The following AKAP7 variants were observed in gnomAD, a reference collection of about 807,000 sequenced individuals.
The protein encoded by AKAP7 is A kinase (PRKA) anchor protein 7.
Under a neutral mutation model 39.5 loss-of-function variants are expected in AKAP7, and 39 were observed. The ratio of observed to expected loss-of-function variants is 0.99; its 90% CI spans 0.76 to 1.29. The LOEUF (loss-of-function observed/expected upper bound fraction) is 1.29, where lower values mean the gene tolerates loss of function less well. Ranked by LOEUF, AKAP7 falls within the 50% of genes most tolerant of loss-of-function variation. The pLI is 0.00. For missense variants in AKAP7, 414 were observed against 407.7 expected, an observed-to-expected ratio of 1.02 and a Z score of -0.13; for synonymous variants, 140 against 139.1, an observed-to-expected ratio of 1.01 and a Z score of -0.05.
At chr6:131,226,559 C>G (rs1244800597) in intron 7 of AKAP7, among the ~76,000 whole-genome samples, 1 of 152,214 alleles carries the variant, frequency 6.6e-6, no homozygotes, top group Non-Finnish European at 1.5e-5. Context: ...AAGCTGTTCT[C>G]TGTGAGCTAC....
chr6:131,282,541 A>G lies in AKAP7; in HGVS notation c.*815A>G, dbSNP rs559929233. ...CCAGAATTAGGAGGGAGCTTTTTGA[A>G]GGAAGACTTATTAACAACAGTAATT... On this transcript the variant is annotated 3_prime_UTR_variant, in exon 8 of 8. Coordinates refer to ENST00000431975, the MANE Select transcript of AKAP7 (RefSeq NM_016377.4). The G allele has an allele frequency of 6.5e-7, 1 of 1,535,934 alleles. No homozygotes were observed. The highest frequency in any genetic ancestry group is 2.4e-5 in the East Asian group (1 of 40,884).
At chr6:131,137,916 A>C (rs1800707428) in intron 1 of AKAP7, among the ~76,000 whole-genome samples, 1 of 152,238 alleles carries the variant, frequency 6.6e-6, no homozygotes, top group Non-Finnish European at 1.5e-5. Context: ...ATAATTGTAA[A>C]TCATAGAGCA....
chr6:131,220,328 C>A (rs1809590038), intron 7 of AKAP7, among the ~76,000 whole-genome samples: 2 of 152,118 alleles, frequency 1.3e-5, no homozygotes, highest in Non-Finnish European at 2.9e-5. Flanking sequence ...TGTCAGATGG[C>A]AGGAGATGAG....
intron 5 of AKAP7, among the ~76,000 whole-genome samples, chr6:131,195,465 A>G (rs1336065607): frequency 3.3e-5 from 5 of 152,148 alleles, no homozygotes; most frequent in Non-Finnish European, 5.9e-5. Flanking sequence ...GGACTAATCT[A>G]TACACCACCG....
chr6:131,192,921 T>G (rs571824627), intron 5 of AKAP7, among the ~76,000 whole-genome samples: 2 of 152,358 alleles, frequency 1.3e-5, no homozygotes, highest in East Asian at 3.9e-4. Context: ...GACTTTTGTA[T>G]GTTGATTTCG....
chr6:131,168,017 C>G (rs2128243128), intron 4 of AKAP7, among the ~76,000 whole-genome samples: 1 of 152,208 alleles, frequency 6.6e-6, no homozygotes, highest in Non-Finnish European at 1.5e-5. Flanking sequence ...CTCAAAGTAC[C>G]TACACCAAAA....
intron 5 of AKAP7, among the ~76,000 whole-genome samples, chr6:131,180,960 T>C (rs750811973): frequency 1.3e-5 from 2 of 152,152 alleles, no homozygotes; most frequent in African/African-American, 2.4e-5. Context: ...ACTATGTTTC[T>C]CTTTTTTTTG....
chr6:131,240,656 C>G (rs1244005775), intron 7 of AKAP7, among the ~76,000 whole-genome samples: 1 of 152,202 alleles, frequency 6.6e-6, no homozygotes, highest in Non-Finnish European at 1.5e-5. Flanking sequence ...TGATCTCAGA[C>G]TGCTGTGCTA....
intron 7 of AKAP7, among the ~76,000 whole-genome samples, chr6:131,255,755 G>A (rs1812791556): frequency 6.6e-6 from 1 of 152,180 alleles, no homozygotes; most frequent in Non-Finnish European, 1.5e-5. Context: ...AGTGGGGGTT[G>A]AACTACTCTT....
intron 2 of AKAP7, among the ~76,000 whole-genome samples, chr6:131,157,570 A>T (rs1802533261): frequency 6.6e-6 from 1 of 152,220 alleles, no homozygotes; most frequent in Admixed American, 6.5e-5. Flanking sequence ...AGATGTGTAA[A>T]ATTGCAGGCA....
the AKAP7 span, among the ~76,000 whole-genome samples, chr6:131,130,381 T>A: frequency 3.3e-5 from 5 of 152,210 alleles, no homozygotes; most frequent in African/African-American, 9.6e-5. Flanking sequence ...CTCTGCAACC[T>A]CTGCCTCCTG....
At chr6:131,194,578 C>T (rs558675603) in intron 5 of AKAP7, among the ~76,000 whole-genome samples, 13 of 152,072 alleles carry the variant, frequency 8.5e-5, no homozygotes, top group South Asian at 8.3e-4. Flanking sequence ...TCTGAGGTTT[C>T]GTTTTTGAAT....
At chr6:131,146,336 G>A (rs1391273988) in intron 2 of AKAP7, among the ~76,000 whole-genome samples, 3 of 152,186 alleles carry the variant, frequency 2.0e-5, no homozygotes, top group African/African-American at 4.8e-5. Flanking sequence ...GGCCAGATGC[G>A]GTGGCTCATG....
rs367956525 is a variant in AKAP7, at chr6:131,147,005, C to T, written c.151+1589C>T. Among the ~76,000 whole-genome samples the T allele has an allele frequency of 2.6e-4, 39 of 152,236 alleles. No individual in the cohort carries two copies. The East Asian group carries it at 6.7e-3, about 26-fold the overall frequency. On this transcript the variant is annotated intron_variant, in intron 2 of 7. Coordinates refer to ENST00000431975, the MANE Select transcript of AKAP7 (RefSeq NM_016377.4). ...TACAGGCTGCTCTGGAAGTGCATGA[C>T]GTGAGGATGTGTTCAGGGAGGCATC...
chr6:131,160,008 A>G, intron 2 of AKAP7, 51 bp from the exon 3 acceptor site: 3 of 1,445,244 alleles, frequency 2.1e-6, no homozygotes, highest in African/African-American at 1.5e-5. Flanking sequence ...TTCTGACTGT[A>G]TTATCTTTGT....
chr6:131,241,603 G>GTATATATATATA (rs1426161618), intron 7 of AKAP7, among the ~76,000 whole-genome samples: 3 of 123,496 alleles, frequency 2.4e-5, no homozygotes, highest in Admixed American at 9.3e-5. Context: ...GTGTGTGTGT[G>GTATATATATATA]TGTGTGTGTG....
At chr6:131,266,265 G>T (rs2128330509) in intron 7 of AKAP7, among the ~76,000 whole-genome samples, 1 of 152,332 alleles carries the variant, frequency 6.6e-6, no homozygotes, top group East Asian at 1.9e-4. Context: ...CAGCATGCTA[G>T]TGACTGTTCT....
chr6:131,278,641 G>A (rs967302510), intron 7 of AKAP7, among the ~76,000 whole-genome samples: 19 of 152,046 alleles, frequency 1.2e-4, no homozygotes, highest in African/African-American at 4.3e-4. Context: ...TATCTTACAC[G>A]GCCAGAGCAG....
chr6:131,177,456 C>T (rs1804692286), intron 5 of AKAP7, among the ~76,000 whole-genome samples: 1 of 152,088 alleles, frequency 6.6e-6, no homozygotes, highest in South Asian at 2.1e-4. Flanking sequence ...GCCTAATTCA[C>T]TTTTATGAGA....
Sources: gnomAD v4.1 joint callset for allele counts (sites outside exome capture counted in the v4.1 genomes callset) on GRCh38, gnomAD v4.1.1 for gene constraint, MANE v1.5 for transcripts, NCBI Gene and HGNC (gene_info 2026-07-23, HGNC 2026-07-21) for gene names.